The following NAV1 variants were observed in gnomAD, a reference collection of about 807,000 sequenced individuals.
NAV1 encodes neuron navigator 1.
NAV1 carries 18 observed loss-of-function variants against 175.2 expected under a neutral mutation model. The ratio of observed to expected loss-of-function variants is 0.10; its 90% CI spans 0.07 to 0.15. The LOEUF (loss-of-function observed/expected upper bound fraction) is 0.15, where lower values mean the gene tolerates loss of function less well. Among genes scored for constraint, NAV1 ranks in the 10% least tolerant of loss-of-function variants. The probability of loss-of-function intolerance (pLI) is 1.00; values close to 1 mark genes in which losing one functional copy is unlikely to be tolerated. For missense variants in NAV1, 1,731 were observed against 2,436.6 expected (o/e 0.71, Z 6.10); for synonymous variants, 897 against 978.7 (o/e 0.92, Z 1.56).
chr1:201,806,314 A>G (rs1478230764), intron 17 of NAV1, among the ~76,000 whole-genome samples: 6 of 152,190 alleles, frequency 3.9e-5, no homozygotes. Flanking sequence ...ATCTGCACAG[A>G]AAAAGTTGTG....
upstream of NAV1, among the ~76,000 whole-genome samples, chr1:201,619,506 T>C (rs74136649): frequency 9.8e-3 from 1,497 of 152,338 alleles, 24 homozygotes; most frequent in African/African-American, 0.034. Context: ...TTGGCTTTGG[T>C]CCTCATTTTG....
chr1:201,769,099 G>C (rs760451236), intron 3 of NAV1, among the ~76,000 whole-genome samples: 9 of 152,070 alleles, frequency 5.9e-5, no homozygotes, highest in Non-Finnish European at 8.8e-5. Flanking sequence ...TGTGCTCTTT[G>C]CCCTGTCTCC....
intron 1 of NAV1, among the ~76,000 whole-genome samples, chr1:201,585,769 T>A (rs1667009959): frequency 6.6e-6 from 1 of 152,028 alleles, no homozygotes; most frequent in African/African-American, 2.4e-5. Context: ...AGATACTACC[T>A]CACACCCAAT....
intron 3 of NAV1, chr1:201,719,769 T>C (rs11811659): frequency 0.56 from 85,600 of 152,098 alleles, 24,335 homozygotes; most frequent in Admixed American, 0.67. Context: ...AGCAGCAGCA[T>C]CCCTTCCCTT....
chr1:201,710,241 T>A (rs1006716690), intron 1 of NAV1, among the ~76,000 whole-genome samples: 1 of 151,792 alleles, frequency 6.6e-6, no homozygotes, highest in African/African-American at 2.4e-5. Context: ...TTGGAAATTT[T>A]AAAAAATTGT....
intron 3 of NAV1, among the ~76,000 whole-genome samples, chr1:201,756,280 T>C (rs1674459973): frequency 6.6e-6 from 1 of 152,168 alleles, no homozygotes; most frequent in African/African-American, 2.4e-5. Flanking sequence ...TAAAAATATT[T>C]AAATCTTCAG....
intron 15 of NAV1, among the ~76,000 whole-genome samples, chr1:201,800,682 C>T (rs543412758): frequency 4.9e-4 from 75 of 152,244 alleles, no homozygotes; most frequent in African/African-American, 1.7e-3. Flanking sequence ...AAATCCCAAT[C>T]CGCAGAGGTA....
intron 1 of NAV1, among the ~76,000 whole-genome samples, chr1:201,553,377 G>A (rs1665918932): frequency 1.3e-5 from 2 of 152,244 alleles, no homozygotes; most frequent in African/African-American, 4.8e-5. Context: ...TCAGCCAGAG[G>A]AGTGAACAGA....
chr1:201,599,357 C>G (rs1667456219), intron 2 of NAV1, among the ~76,000 whole-genome samples: 1 of 152,230 alleles, frequency 6.6e-6, no homozygotes, highest in Non-Finnish European at 1.5e-5. Flanking sequence ...GAGCCAGCCT[C>G]CCTTTGACCT....
intron 1 of NAV1, among the ~76,000 whole-genome samples, chr1:201,660,611 G>A (rs182785118): frequency 1.3e-5 from 2 of 152,220 alleles, no homozygotes; most frequent in Admixed American, 6.5e-5. Context: ...CTGAGGACCC[G>A]TGGGGGACCA....
In NAV1 at chr1:201,810,578, G is replaced by A. The variant is rs372372364; in HGVS notation, c.4617G>A (p.Pro1539=). The A allele has an allele frequency of 9.0e-5, 145 of 1,613,840 alleles. No homozygotes were observed. Among genetic ancestry groups the A allele is most frequent in the African/African-American group, 1.6e-4 (12 of 74,906 alleles). The stretch of plus-strand genomic sequence containing the variant: ...TGTTCGAGACGCTGATCCCCAAGCC[G>A]ATGATGCAGCACTACATAAGCCTCC... The change falls in exon 24 of 30, where the codon CCG becomes CCA. Residue 1539 remains proline (P), a synonymous_variant. Transcript: ENST00000367296. This position sits in a 1 kb window ranked among gnomAD's most constrained non-coding sequence, Gnocchi z 6.0.
chr1:201,620,497 C>T (rs1245939830), upstream of NAV1, among the ~76,000 whole-genome samples: 2 of 127,462 alleles, frequency 1.6e-5, no homozygotes, highest in African/African-American at 6.5e-5. Context: ...CTCGCTCTCT[C>T]GTTCAGGCTG....
intron 2 of NAV1, among the ~76,000 whole-genome samples, chr1:201,636,678 CT>C (rs1215279832): frequency 3.3e-5 from 5 of 151,976 alleles, no homozygotes. Context: ...CAAGAAAATC[CT>C]TCCAGGAGAA....
chr1:201,790,320 T>C (rs531028724), intron 11 of NAV1, among the ~76,000 whole-genome samples: 32 of 152,222 alleles, frequency 2.1e-4, no homozygotes, highest in Non-Finnish European at 4.1e-4. Flanking sequence ...TTTTTGGCAA[T>C]GACAAAGTTT....
chr1:201,749,446 G>T (rs528545641), intron 3 of NAV1, among the ~76,000 whole-genome samples: 1 of 152,302 alleles, frequency 6.6e-6, no homozygotes, highest in African/African-American at 2.4e-5. Context: ...GCACCAACTT[G>T]CTCACTATTC....
exon 30 of NAV1, chr1:201,820,180 G>A (rs929677865): frequency 2.4e-6 from 1 of 408,536 alleles, no homozygotes; most frequent in African/African-American, 2.0e-5. Flanking sequence ...CTCCTCTAAT[G>A]ACTTTGGGGA....
intron 3 of NAV1, among the ~76,000 whole-genome samples, chr1:201,720,589 TC>T (rs745472817): frequency 6.6e-6 from 1 of 152,200 alleles, no homozygotes; most frequent in Non-Finnish European, 1.5e-5. Flanking sequence ...TGGCAGGACT[TC>T]CGGCTCTTAA....
At chr1:201,594,843 C>T (rs1183698518) in intron 2 of NAV1, among the ~76,000 whole-genome samples, 3 of 152,212 alleles carry the variant, frequency 2.0e-5, no homozygotes, top group Non-Finnish European at 4.4e-5. Flanking sequence ...GAAGCCCCCT[C>T]GCTGCTCCAG....
chr1:201,763,633 C>T (rs1161256895), intron 3 of NAV1, among the ~76,000 whole-genome samples: 1 of 152,202 alleles, frequency 6.6e-6, no homozygotes, highest in Non-Finnish European at 1.5e-5. Flanking sequence ...AGGAGACTCC[C>T]GTTAAACAGC....
Sources: gnomAD v4.1 joint callset for allele counts (sites outside exome capture counted in the v4.1 genomes callset) on GRCh38, gnomAD v4.1.1 for gene constraint, Gnocchi (gnomAD v3.1) non-coding constraint, MANE v1.5 for transcripts, NCBI Gene and HGNC (gene_info 2026-07-23, HGNC 2026-07-21) for gene names.